The following AKT1S1 variants were observed in gnomAD, a reference collection of about 807,000 sequenced individuals.
AKT1S1 encodes the protein AKT1 substrate 1.
Under a neutral mutation model 21.2 loss-of-function variants are expected in AKT1S1, and 17 were observed. That is an observed-to-expected ratio of 0.80 (90% CI 0.55 to 1.20). The LOEUF (loss-of-function observed/expected upper bound fraction) is 1.20. Among genes scored for constraint, AKT1S1 ranks in the 50% most tolerant of loss-of-function variants. The pLI is 0.00. For synonymous variants in AKT1S1, 181 were observed against 165.6 expected (o/e 1.09, Z -0.72); for missense variants, 366 against 368.3 (o/e 0.99, Z 0.05).
chr19:49,869,727 G>T lies in AKT1S1; in HGVS notation c.*190C>A. ...GACCCAATCGGGAAACGGGACAGATGCCGCTCCTCGGCGCGGCAGGTCGTG... is the reference window on the plus strand; with the variant it reads ...GACCCAATCGGGAAACGGGACAGATTCCGCTCCTCGGCGCGGCAGGTCGTG... On this transcript the variant is annotated 3_prime_UTR_variant, in exon 5 of 5. Transcript: ENST00000344175. 1 of 589,140 alleles carries T rather than the reference G, an allele frequency of 1.7e-6. No homozygotes were observed. Among genetic ancestry groups the T allele is most frequent in the East Asian group, 3.5e-5 (1 of 28,982 alleles). 36.5% of individuals were successfully genotyped at this position (589,140 alleles called of 1,614,324 possible). A position where few individuals can be genotyped will look rare whatever the true frequency, so the allele number is the denominator to read the frequency against.
Position 49,873,065 on chromosome 19 carries a change from A to C in AKT1S1, c.231T>G (p.Pro77=). 1 of 1,554,694 alleles carries C rather than the reference A, an allele frequency of 6.4e-7. No individual in the cohort carries two copies. Among genetic ancestry groups the C allele is most frequent in the South Asian group, 1.2e-5 (1 of 84,494 alleles). Residue 77 remains proline, a synonymous_variant, in exon 2 of 5, where the codon CCT becomes CCG. Transcript: ENST00000344175. The surrounding 1 kb of genome is among the most constrained non-coding windows in gnomAD (Gnocchi z 6.9). The part of the protein sequence containing the change: ...LAHRAATAAR[P]PAPPPAPQPP... ...GCTGTGGTGCTGGTGGGGGCGCAGG[A>C]GGCCGAGCAGCAGTGGCAGCCCTGT...
chr19:49,878,149 T>G (rs769982618), upstream of AKT1S1: 47 of 1,577,210 alleles, frequency 3.0e-5, no homozygotes, highest in East Asian at 2.8e-4. Flanking sequence ...TCAGGTGGTG[T>G]TTGAGAAGGG....
chr19:49,876,566 T>A (rs1173708145), intron 1 of AKT1S1: 3 of 1,493,066 alleles, frequency 2.0e-6, no homozygotes, highest in Non-Finnish European at 2.7e-6. Flanking sequence ...GGCCAAATCC[T>A]CCCCACACCG....
At position 49,871,841 on chromosome 19, in the gene AKT1S1, A is replaced by G; in HGVS notation, c.428T>C (p.Phe143Ser). 6.2e-7 allele frequency: 1 copy of G among 1,610,884 alleles called. No individual in the cohort carries two copies. Among genetic ancestry groups the G allele is most frequent in the African/African-American group, 1.3e-5 (1 of 74,590 alleles). ...EDATLQDLPPFCESDPESTDD... is the reference protein window; with the variant it reads ...EDATLQDLPPSCESDPESTDD... ...TGTACTCTCGGGGTCTGACTCACAG[A>G]AGGGGGGAAGGTCCTGGAGGGTGGC... Residue 143 changes from phenylalanine to serine, a missense_variant, in exon 3 of 5, where the codon TTC becomes TCC. Physicochemically the swap from Phe to Ser is radical, Grantham distance 155. Transcript: ENST00000344175.
At chr19:49,876,510 C>A (rs1024838735) in intron 1 of AKT1S1, 2 of 1,430,178 alleles carry the variant, frequency 1.4e-6, no homozygotes, top group Non-Finnish European at 1.9e-6. Flanking sequence ...AGGCCATACC[C>A]CTCCCGTGAG....
At position 49,871,693 on chromosome 19, in the gene AKT1S1, G is replaced by A. The variant is rs777401647; in HGVS notation, c.481C>T (p.Pro161Ser). 7.4e-6 allele frequency: 12 copies of A among 1,612,936 alleles called. No homozygotes were observed. The highest frequency in any genetic ancestry group is 1.7e-5 in the Admixed American group (1 of 59,982). ...ACTGAGCAGGTGGGGGGGCCGGCGG[G>A]GGTCTCCTCGCTCAGGCTGCCATCT... ...TDDGSLSEET[P>S]AGPPTCSVPP... Residue 161 changes from proline (P) to serine (S), a missense_variant, in exon 4 of 5, where the codon CCC becomes TCC. Transcript: ENST00000344175.
Position 49,873,364 on chromosome 19 carries a change from T to A in AKT1S1, c.-7-62A>T. 1 of 1,386,992 alleles carries A rather than the reference T, an allele frequency of 7.2e-7. No homozygotes were observed. The highest frequency in any genetic ancestry group is 9.3e-7 in the Non-Finnish European group (1 of 1,078,314). 85.9% of individuals were successfully genotyped at this position (1,386,992 alleles called of 1,614,324 possible). A position where few individuals can be genotyped will look rare whatever the true frequency, so the allele number is the denominator to read the frequency against. ...GGCGGCCTACATCATCGCCACCCAC[T>A]CAGAGTGCCCGCCCGTCCCCTGGAT... On this transcript the variant is annotated intron_variant, in intron 1 of 4. Coordinates refer to ENST00000344175, the MANE Select transcript of AKT1S1 (RefSeq NM_001098633.4). This position sits in a 1 kb window ranked among gnomAD's most constrained non-coding sequence, Gnocchi z 6.9.
rs2074912887 is a variant in AKT1S1, at chr19:49,873,809, A to G, written c.-7-507T>C. 1 of 153,796 alleles carries G rather than the reference A, an allele frequency of 6.5e-6. No homozygotes were observed. Among genetic ancestry groups the G allele is most frequent in the Non-Finnish European group, 1.4e-5 (1 of 69,408 alleles). The allele number at this position is 153,796 out of a possible 1,614,324, so 9.5% of individuals were successfully genotyped here. A position where few individuals can be genotyped will look rare whatever the true frequency, so the allele number is the denominator to read the frequency against. ...AGTTCGAAGCCAGCCTGGGCAAAAA[A>G]AAAAAAAAAAAGGAATTTCATCTGC... On this transcript the variant is annotated intron_variant, in intron 1 of 4. Transcript: ENST00000344175. The surrounding 1 kb of genome is among the most constrained non-coding windows in gnomAD (Gnocchi z 6.9).
chr19:49,875,707 G>A (rs1425664509), intron 1 of AKT1S1, among the ~76,000 whole-genome samples: 1 of 152,176 alleles, frequency 6.6e-6, no homozygotes, highest in Non-Finnish European at 1.5e-5. Flanking sequence ...GAGTAGCCAC[G>A]GGATTAAAGA....
At chr19:49,876,088 T>A in intron 1 of AKT1S1, 1 of 986,376 alleles carries the variant, frequency 1.0e-6, no homozygotes, top group South Asian at 4.7e-5. Context: ...CCACCCCTCC[T>A]GTCGAAATTT....
chr19:49,876,845 A>G (rs2074953507), intron 1 of AKT1S1: 3 of 545,636 alleles, frequency 5.5e-6, no homozygotes, highest in South Asian at 3.5e-5. Flanking sequence ...GCCCCCAACA[A>G]TAATGGCCGT....
chr19:49,869,799 A>C lies in AKT1S1; in HGVS notation c.*118T>G, dbSNP rs367860845. The C allele has an allele frequency of 1.3e-5, 15 of 1,128,210 alleles. No individual in the cohort carries two copies. The highest frequency in any genetic ancestry group is 1.6e-5 in the Non-Finnish European group (14 of 855,548). 69.9% of individuals were successfully genotyped at this position (1,128,210 alleles called of 1,614,324 possible). On this transcript the variant is annotated 3_prime_UTR_variant, in exon 5 of 5. Coordinates refer to ENST00000344175, the MANE Select transcript of AKT1S1 (RefSeq NM_001098633.4). ...TGGCAGAGGCGGGACAATCTTGGGA[A>C]TGGGAGACGCAAGGAGGCCGGTCCC...
chr19:49,869,979 C>A lies in AKT1S1; in HGVS notation c.709G>T (p.Gly237Trp). ...TTAAGCCGCGGCCGTGGCAGGTCCC[C>A]GAAGACCTGGGTGTCCTCGGCCTCT... ...LREAEDTQVFGDLPRPRLNTS... is the reference protein window; with the variant it reads ...LREAEDTQVFWDLPRPRLNTS... The change falls in exon 5 of 5, where the codon GGG (glycine) becomes TGG (tryptophan). Residue 237 changes from glycine to tryptophan, a missense_variant. Physicochemically the swap from Gly to Trp is radical, Grantham distance 184. Coordinates refer to ENST00000344175, the MANE Select transcript of AKT1S1 (RefSeq NM_001098633.4). The A allele has an allele frequency of 1.9e-6, 3 of 1,545,318 alleles. No individual in the cohort carries two copies. The highest frequency in any genetic ancestry group is 2.5e-5 in the East Asian group (1 of 39,860).
chr19:49,876,539 C>G, intron 1 of AKT1S1: 1 of 1,463,608 alleles, frequency 6.8e-7, no homozygotes, highest in Non-Finnish European at 9.1e-7. Context: ...CCTCCCAGCG[C>G]CCCGCTGCCT....
intron 1 of AKT1S1, chr19:49,876,765 C>T (rs2074952095): frequency 1.6e-6 from 2 of 1,284,560 alleles, no homozygotes; most frequent in Non-Finnish European, 2.0e-6. Flanking sequence ...GGGCTTCATC[C>T]GAACCAGTTG....
chr19:49,876,755 G>A, intron 1 of AKT1S1: 7 of 1,337,466 alleles, frequency 5.2e-6, no homozygotes, highest in Non-Finnish European at 6.8e-6. Context: ...GCGGCCACAG[G>A]GGCTTCATCC....
chr19:49,871,155 A>C (rs1376477109), intron 4 of AKT1S1, among the ~76,000 whole-genome samples: 1 of 152,172 alleles, frequency 6.6e-6, no homozygotes, highest in Non-Finnish European at 1.5e-5. Flanking sequence ...GGGTTGCTAC[A>C]AGGGGTGAAC....
In AKT1S1 at chr19:49,877,314, C is replaced by T. The variant is rs1356959336; in HGVS notation, c.-85G>A. On this transcript the variant is annotated 5_prime_UTR_variant, in exon 1 of 5. Transcript: ENST00000344175. ...ATGGGACAGCCCCGTATTAACATGG[C>T]CTTAGCTGACCGGCTTAGGCCATGC... 1 of 211,108 alleles carries T rather than the reference C, an allele frequency of 4.7e-6. No individual in the cohort carries two copies. The highest frequency in any genetic ancestry group is 9.6e-6 in the Non-Finnish European group (1 of 103,880). 13.1% of individuals were successfully genotyped at this position (211,108 alleles called of 1,614,324 possible).
At chr19:49,871,215 G>C (rs2122367543) in intron 4 of AKT1S1, among the ~76,000 whole-genome samples, 1 of 152,306 alleles carries the variant, frequency 6.6e-6, no homozygotes, top group East Asian at 1.9e-4. Flanking sequence ...GAATGTGCAG[G>C]GTGGGGATGG....
Sources: allele counts gnomAD v4.1 joint callset (sites outside exome capture counted in the v4.1 genomes callset), GRCh38; gene constraint gnomAD v4.1.1; non-coding constraint Gnocchi (gnomAD v3.1); transcripts MANE v1.5; gene names NCBI Gene and HGNC (gene_info 2026-07-23, HGNC 2026-07-21).